The following WEE1 variants were observed in gnomAD, a reference collection of about 807,000 sequenced individuals.
WEE1 encodes the protein wee1-like protein kinase.
In WEE1, 16 loss-of-function variants were observed where a neutral mutation model predicts 68.8. The ratio of observed to expected loss-of-function variants is 0.23; its 90% CI spans 0.16 to 0.35. WEE1 has a LOEUF of 0.35. WEE1 is among the 10% of genes least tolerant of loss of function. WEE1 has a pLI of 1.00. For missense variants in WEE1, 651 were observed against 824.1 expected (o/e 0.79, Z 2.57); for synonymous variants, 349 against 318.7 (o/e 1.09, Z -1.01).
In WEE1 at chr11:9,589,480, G is replaced by A. The variant is rs982918420; in HGVS notation, c.*878G>A. The A allele has an allele frequency of 7.1e-6, 7 of 984,844 alleles. No homozygotes were observed. Among genetic ancestry groups the A allele is most frequent in the Middle Eastern group, 5.2e-4 (1 of 1,934 alleles). The allele number at this position is 984,844 out of a possible 1,614,324, so 61.0% of individuals were successfully genotyped here. On this transcript the variant is annotated 3_prime_UTR_variant, in exon 11 of 11. Coordinates refer to ENST00000450114, the MANE Select transcript of WEE1 (RefSeq NM_003390.4). ...TAGTCTGTTTTTAAATGTTTTGCCC[G>A]GTTTTTCTCTTCAATATTTGTGTAT...
intron 5 of WEE1, chr11:9,580,871 T>A (rs974674313): frequency 2.6e-5 from 4 of 152,222 alleles, no homozygotes; most frequent in Non-Finnish European, 2.9e-5. Context: ...ATGCTGTTAT[T>A]TATGCAAAAA....
chr11:9,582,206 A>G (rs1849635841), intron 6 of WEE1, among the ~76,000 whole-genome samples: 1 of 152,226 alleles, frequency 6.6e-6, no homozygotes, highest in African/African-American at 2.4e-5. Flanking sequence ...TCAAATTAGT[A>G]TCTACTTAAG....
intron 8 of WEE1, 28 bp from the exon 9 acceptor site, chr11:9,586,421 C>T: frequency 6.3e-7 from 1 of 1,590,246 alleles, no homozygotes; most frequent in Non-Finnish European, 8.6e-7. Context: ...TGTTTACATT[C>T]CTTTAAAAAA....
At position 9,574,334 on chromosome 11, in the gene WEE1, TG is replaced by T; in HGVS notation, c.404del (p.Gly135ValfsTer99). ...PVKSPAAPYF[L>X]GSSFSPVRCG... ...AAGTCGCCGGCGGCCCCCTACTTCC[TG>T]GGTAGCTCTTTCTCGCCGGTGCGCT... On this transcript the variant is annotated frameshift_variant, in exon 1 of 11. Transcript: ENST00000450114. LOFTEE classifies it high-confidence loss of function. The surrounding 1 kb of genome is among the most constrained non-coding windows in gnomAD (Gnocchi z 4.9). 1.6e-6 allele frequency: 2 copies of T among 1,269,974 alleles called. No individual in the cohort carries two copies. The highest frequency in any genetic ancestry group is 1.6e-5 in the African/African-American group (1 of 64,144). The allele number at this position is 1,269,974 out of a possible 1,614,324, so 78.7% of individuals were successfully genotyped here. A position where few individuals can be genotyped will look rare whatever the true frequency, so the allele number is the denominator to read the frequency against.
Position 9,574,350 on chromosome 11 carries a change from G to A in WEE1, c.417G>A (p.Ser139=). ...AAPYFLGSSF[S]PVRCGGPGDA... is the part of the protein sequence containing the mutation. Reference sequence around the variant, plus strand: ...CCTACTTCCTGGGTAGCTCTTTCTCGCCGGTGCGCTGCGGCGGCCCAGGAG... The same window carrying A: ...CCTACTTCCTGGGTAGCTCTTTCTCACCGGTGCGCTGCGGCGGCCCAGGAG... Residue 139 remains serine, a synonymous_variant, in exon 1 of 11, where the codon TCG becomes TCA. Coordinates refer to ENST00000450114, the MANE Select transcript of WEE1 (RefSeq NM_003390.4). The surrounding 1 kb of genome is among the most constrained non-coding windows in gnomAD (Gnocchi z 4.9). 8.0e-7 allele frequency: 1 copy of A among 1,254,372 alleles called. No individual in the cohort carries two copies. Among genetic ancestry groups the A allele is most frequent in the Non-Finnish European group, 1.0e-6 (1 of 999,802 alleles). 77.7% of individuals were successfully genotyped at this position (1,254,372 alleles called of 1,614,324 possible). A position where few individuals can be genotyped will look rare whatever the true frequency, so the allele number is the denominator to read the frequency against.
rs1174093446 is a variant in WEE1, at chr11:9,585,252, T to G, written c.1289-6T>G. ...AGTTTGGCTTACATAATTAACTGTT[T>G]GACAGGTAATATTTTCATATCTCGA... On this transcript the variant is annotated splice_region_variant and splice_polypyrimidine_tract_variant and intron_variant, in intron 6 of 10. Coordinates refer to ENST00000450114, the MANE Select transcript of WEE1 (RefSeq NM_003390.4). 3 of 1,602,042 alleles carry G rather than the reference T, an allele frequency of 1.9e-6. No homozygotes were observed. The highest frequency in any genetic ancestry group is 1.7e-5 in the Admixed American group (1 of 59,814).
intron 5 of WEE1, chr11:9,577,771 C>T (rs1055876924): frequency 1.9e-5 from 8 of 429,174 alleles, no homozygotes; most frequent in Admixed American, 2.7e-5. Context: ...AATCCACTAA[C>T]GCTTTATTAT....
At chr11:9,583,802 C>CACACACACAT (rs1295357946) in intron 6 of WEE1, among the ~76,000 whole-genome samples, 3 of 17,868 alleles carry the variant, frequency 1.7e-4, no homozygotes, top group African/African-American at 5.0e-4. Context: ...CACACACACA[C>CACACACACAT]ATATATATAT....
At chr11:9,583,754 CG>C (rs2134352199) in intron 6 of WEE1, among the ~76,000 whole-genome samples, 1 of 5,424 alleles carries the variant, frequency 1.8e-4, no homozygotes, top group African/African-American at 1.3e-3. Flanking sequence ...TGTGCGTGCA[CG>C]CGCGCGCACA....
At chr11:9,580,458 C>CTTTTTTTTTTT (rs374484716) in intron 5 of WEE1, 24 of 126,906 alleles carry the variant, frequency 1.9e-4, no homozygotes, top group South Asian at 2.4e-4. Context: ...TTCTTTCTTT[C>CTTTTTTTTTTT]TTTCTTTTTT....
At chr11:9,575,132 C>T in intron 1 of WEE1, 1 of 985,460 alleles carries the variant, frequency 1.0e-6, no homozygotes, top group Non-Finnish European at 1.2e-6. Context: ...AGGTCTTGGC[C>T]CAGCATTTGT....
Position 9,589,868 on chromosome 11 carries a change from T to C in WEE1, c.*1266T>C, listed in dbSNP as rs1849744230. ...CTATTATAAAAGCAGAGGGCACATTTTGATTGAATATGAATATCACATTGC... is the reference window on the plus strand; with the variant it reads ...CTATTATAAAAGCAGAGGGCACATTCTGATTGAATATGAATATCACATTGC... On this transcript the variant is annotated 3_prime_UTR_variant, in exon 11 of 11. Coordinates refer to ENST00000450114, the MANE Select transcript of WEE1 (RefSeq NM_003390.4). 1 of 292,052 alleles carries C rather than the reference T, an allele frequency of 3.4e-6. No homozygotes were observed. The highest frequency in any genetic ancestry group is 1.3e-4 in the South Asian group (1 of 7,536). The allele number at this position is 292,052 out of a possible 1,614,324, so 18.1% of individuals were successfully genotyped here.
chr11:9,574,167 G>C lies in WEE1; in HGVS notation c.234G>C (p.Ser78=). The change falls in exon 1 of 11, where the codon TCG becomes TCC. Residue 78 remains serine (S), a synonymous_variant. Transcript: ENST00000450114. This position sits in a 1 kb window ranked among gnomAD's most constrained non-coding sequence, Gnocchi z 4.9. ...PTEPGPERRR[S]PGPAPGSPGE... ...AGCCCGGGCCCGAGCGCCGCCGCTC[G>C]CCCGGGCCGGCCCCCGGCAGCCCCG... 1 of 1,181,070 alleles carries C rather than the reference G, an allele frequency of 8.5e-7. No individual in the cohort carries two copies. The highest frequency in any genetic ancestry group is 1.0e-6 in the Non-Finnish European group (1 of 956,182). The allele number at this position is 1,181,070 out of a possible 1,614,324, so 73.2% of individuals were successfully genotyped here. A position where few individuals can be genotyped will look rare whatever the true frequency, so the allele number is the denominator to read the frequency against.
intron 6 of WEE1, among the ~76,000 whole-genome samples, chr11:9,583,824 T>TAC (rs1849669068): frequency 2.8e-5 from 1 of 35,948 alleles, no homozygotes; most frequent in Non-Finnish European, 6.8e-5. Flanking sequence ...TATATATATA[T>TAC]ATATATATAT....
rs566524452 is a variant in WEE1, at chr11:9,574,089, C to T, written c.156C>T (p.Asp52=). 3.9e-4 allele frequency: 482 copies of T among 1,229,388 alleles called. 1 individual carries two copies. In the African/African-American group the frequency reaches 6.8e-3, roughly 17 times the overall value. 76.2% of individuals were successfully genotyped at this position (1,229,388 alleles called of 1,614,324 possible). ...EEGSGHSTGE[D]SAFQEPDSPL... ...GCAGCGGCCACAGCACCGGGGAGGA[C>T]TCGGCCTTTCAAGAGCCCGACTCGC... The change falls in exon 1 of 11, where the codon GAC becomes GAT. Residue 52 remains aspartate, a synonymous_variant. Coordinates refer to ENST00000450114, the MANE Select transcript of WEE1 (RefSeq NM_003390.4). The surrounding 1 kb of genome is among the most constrained non-coding windows in gnomAD (Gnocchi z 4.9).
In WEE1 at chr11:9,576,220, T is replaced by C. The variant is rs1849563753; in HGVS notation, c.783-10T>C. The C allele has an allele frequency of 1.3e-6, 2 of 1,512,220 alleles. No homozygotes were observed. Among genetic ancestry groups the C allele is most frequent in the Middle Eastern group, 1.7e-4 (1 of 5,894 alleles). 93.7% of individuals were successfully genotyped at this position (1,512,220 alleles called of 1,614,324 possible). A position where few individuals can be genotyped will look rare whatever the true frequency, so the allele number is the denominator to read the frequency against. The stretch of plus-strand genomic sequence containing the variant: ...CAGATATATTGATAGAAAAATAACA[T>C]TTTTTTTAGTTCCTGTGGTGAAGAC... On this transcript the variant is annotated splice_polypyrimidine_tract_variant and intron_variant, in intron 2 of 10. Coordinates refer to ENST00000450114, the MANE Select transcript of WEE1 (RefSeq NM_003390.4). This position sits in a 1 kb window ranked among gnomAD's most constrained non-coding sequence, Gnocchi z 4.3.
intron 6 of WEE1, among the ~76,000 whole-genome samples, chr11:9,582,157 A>G (rs887752739): frequency 6.6e-6 from 1 of 152,230 alleles, no homozygotes; most frequent in Non-Finnish European, 1.5e-5. Context: ...CCATATTAAA[A>G]TTTCCCCAGT....
intron 6 of WEE1, 26 bp downstream of exon 6, chr11:9,581,704 G>C (rs748454466): frequency 6.3e-7 from 1 of 1,592,240 alleles, no homozygotes; most frequent in South Asian, 1.1e-5. Context: ...CTTCTGACCT[G>C]TGTTCTTTGG....
At chr11:9,587,722 C>G (rs1043674719) in intron 10 of WEE1, among the ~76,000 whole-genome samples, 2 of 152,146 alleles carry the variant, frequency 1.3e-5, no homozygotes, top group African/African-American at 2.4e-5. Context: ...GATCACATTT[C>G]TAATTCTTTT....
Sources: allele counts gnomAD v4.1 joint callset (sites outside exome capture counted in the v4.1 genomes callset), GRCh38; gene constraint gnomAD v4.1.1; non-coding constraint Gnocchi (gnomAD v3.1); transcripts MANE v1.5; gene names NCBI Gene and HGNC (gene_info 2026-07-23, HGNC 2026-07-21).